LRP1B: variants seen among roughly 807,000 people sequenced by gnomAD.
LRP1B encodes the protein LDL receptor related protein 1B.
In LRP1B, 217 loss-of-function variants were observed where a neutral mutation model predicts 556.6. The observed-to-expected ratio is 0.39, with a 90% CI of 0.35 to 0.44. The LOEUF (loss-of-function observed/expected upper bound fraction) is 0.44, where lower values mean the gene tolerates loss of function less well. Ranked by LOEUF, LRP1B falls within the 20% of genes least tolerant of loss-of-function variation. The probability of loss-of-function intolerance (pLI) is 1.00; values close to 1 mark genes in which losing one functional copy is unlikely to be tolerated. For missense variants in LRP1B, 5,053 were observed against 5,620.8 expected (o/e 0.90, Z 3.23); for synonymous variants, 2,047 against 1,865.8 (o/e 1.10, Z -2.50).
chr2:142,013,801 G>C (rs1384865945), intron 1 of LRP1B, among the ~76,000 whole-genome samples: 5 of 152,062 alleles, frequency 3.3e-5, no homozygotes, highest in Non-Finnish European at 5.9e-5. Flanking sequence ...TAAAACCAAA[G>C]TAACTCCATC....
chr2:141,326,121 TACACAGAGAG>T, intron 3 of LRP1B, among the ~76,000 whole-genome samples: 2 of 152,182 alleles, frequency 1.3e-5, no homozygotes, highest in African/African-American at 4.8e-5. Context: ...AATATTCATT[TACACAGAGAG>T]ACATCTACTG....
intron 1 of LRP1B, among the ~76,000 whole-genome samples, chr2:141,850,986 T>C (rs2105774652): frequency 6.6e-6 from 1 of 151,780 alleles, no homozygotes; most frequent in South Asian, 2.1e-4. Flanking sequence ...AGCCTTCCCA[T>C]AAAATATTAA....
intron 43 of LRP1B, among the ~76,000 whole-genome samples, chr2:140,596,283 C>T (rs1238090927): frequency 2.6e-5 from 4 of 152,062 alleles, no homozygotes; most frequent in African/African-American, 4.8e-5. Flanking sequence ...GACATAATGG[C>T]GAAAACTATG....
At chr2:140,822,683 A>G (rs554941646) in intron 31 of LRP1B, among the ~76,000 whole-genome samples, 1 of 152,334 alleles carries the variant, frequency 6.6e-6, no homozygotes, top group East Asian at 1.9e-4. Context: ...CTTAGGAGTA[A>G]GCCAGTTCTG....
chr2:140,542,459 A>T (rs1033158291), intron 43 of LRP1B, among the ~76,000 whole-genome samples: 2 of 152,132 alleles, frequency 1.3e-5, no homozygotes, highest in Non-Finnish European at 2.9e-5. Context: ...TGAGAATAAA[A>T]GTTTAGAAGT....
rs1463159789 is a variant in LRP1B, at chr2:140,295,418, TG to T, written c.12967+2389del. ...CTTGCTTCTGCAGAAGAAGTCCCTC[TG>T]TACCATCAGAGGCAAGATACTAAGT... On this transcript the variant is annotated intron_variant, in intron 84 of 90. Transcript: ENST00000389484. Among the ~76,000 whole-genome samples the T allele has an allele frequency of 6.6e-5, 10 of 152,332 alleles. No homozygotes were observed. The East Asian group carries it at 1.7e-3, about 26-fold the overall frequency.
chr2:140,950,236 T>G lies in LRP1B; in HGVS notation c.3135A>C (p.Glu1045Asp), dbSNP rs1559212751. Residue 1045 changes from glutamate to aspartate, a missense_variant and splice_region_variant, in exon 20 of 91, where the codon GAA (glutamate) becomes GAC (aspartate). Glu to Asp is a conservative substitution (Grantham distance 45). Around this residue, in one of 5 missense-constraint regions of LRP1B, gnomAD observed 3,619 missense variants for 3,931.9 expected, o/e 0.92. Transcript: ENST00000389484. ...SDEAQINCTK[E>D]EIHSPAGCNG... is the part of the protein sequence containing the mutation. ...TCATTAATTTATAAAATTACTAACCTTCTTTAGTACAATTGATCTGGGCTT... is the reference window on the plus strand; with the variant it reads ...TCATTAATTTATAAAATTACTAACCGTCTTTAGTACAATTGATCTGGGCTT... 1 of 1,565,550 alleles carries G rather than the reference T, an allele frequency of 6.4e-7. No individual in the cohort carries two copies.
At chr2:140,969,537 T>A (rs12622921) in intron 18 of LRP1B, among the ~76,000 whole-genome samples, 16,908 of 152,174 alleles carry the variant, frequency 0.11, 1,019 homozygotes, top group East Asian at 0.19. Flanking sequence ...AAGGTTAATA[T>A]TGTTATGTGT....
At chr2:141,725,706 T>C (rs1409822526) in intron 2 of LRP1B, among the ~76,000 whole-genome samples, 1 of 151,842 alleles carries the variant, frequency 6.6e-6, no homozygotes, top group Admixed American at 6.6e-5. Context: ...GATTTTCTCT[T>C]TGAAATCGTT....
intron 3 of LRP1B, among the ~76,000 whole-genome samples, chr2:141,316,693 G>A (rs921795629): frequency 6.6e-6 from 1 of 152,146 alleles, no homozygotes; most frequent in African/African-American, 2.4e-5. Context: ...TGAGCAAATG[G>A]GAAAAGATAA....
intron 11 of LRP1B, among the ~76,000 whole-genome samples, chr2:141,032,867 C>T (rs993859442): frequency 3.1e-4 from 33 of 106,018 alleles, no homozygotes; most frequent in Non-Finnish European, 5.2e-4. Flanking sequence ...GTGTGTTTTG[C>T]GTTGCATTGC....
chr2:141,587,275 A>C (rs1687175480), intron 2 of LRP1B, among the ~76,000 whole-genome samples: 1 of 152,220 alleles, frequency 6.6e-6, no homozygotes, highest in Admixed American at 6.5e-5. Flanking sequence ...GTGCTAATAA[A>C]TAGTCAACCA....
At chr2:140,879,249 C>T (rs924062599) in intron 25 of LRP1B, among the ~76,000 whole-genome samples, 24 of 152,118 alleles carry the variant, frequency 1.6e-4, no homozygotes, top group African/African-American at 5.8e-4. Context: ...GTCCAACTAT[C>T]CATCAGTGAC....
intron 2 of LRP1B, among the ~76,000 whole-genome samples, chr2:141,621,928 G>T (rs1473559206): frequency 6.6e-6 from 1 of 152,078 alleles, no homozygotes; most frequent in Non-Finnish European, 1.5e-5. Flanking sequence ...CTTTGATCTT[G>T]TTGCCCAGGC....
In LRP1B at chr2:141,283,954, T is replaced by A. The variant is rs79943514; in HGVS notation, c.344-29313A>T. 9.3e-3 allele frequency among the ~76,000 whole-genome samples: 1,410 copies of A among 152,300 alleles called. 15 individuals carry two copies. The highest frequency in any genetic ancestry group is 0.039 in the East Asian group (200 of 5,180). On this transcript the variant is annotated intron_variant, in intron 3 of 90. Coordinates refer to ENST00000389484, the MANE Select transcript of LRP1B (RefSeq NM_018557.3). ...TGAGCTTTTGCTGTTTGCTTATACT[T>A]TTTCTTGGAAGAGTAGATGAGGTCA...
At chr2:141,840,257 CTTTTTTTT>C (rs565362139) in intron 1 of LRP1B, among the ~76,000 whole-genome samples, 11 of 84,240 alleles carry the variant, frequency 1.3e-4, no homozygotes, top group African/African-American at 3.8e-4. Flanking sequence ...AACAAATTTC[CTTTTTTTT>C]TTTTTTTTTT....
At chr2:141,822,120 C>CAGAGAGAGAGAG (rs1452163408) in intron 1 of LRP1B, among the ~76,000 whole-genome samples, 3 of 103,344 alleles carry the variant, frequency 2.9e-5, no homozygotes, top group Admixed American at 1.1e-4. Context: ...CACACACACA[C>CAGAGAGAGAGAG]ACACACACAC....
At chr2:140,921,922 T>G (rs188440754) in intron 21 of LRP1B, among the ~76,000 whole-genome samples, 2 of 152,194 alleles carry the variant, frequency 1.3e-5, no homozygotes, top group African/African-American at 4.8e-5. Flanking sequence ...TTACAACTTC[T>G]TATTTGTACT....
chr2:141,441,433 C>T (rs537404765), intron 3 of LRP1B, among the ~76,000 whole-genome samples: 1 of 152,102 alleles, frequency 6.6e-6, no homozygotes, highest in African/African-American at 2.4e-5. Flanking sequence ...TCCACTGATC[C>T]CTAAGGAATC....
Sources: allele counts gnomAD v4.1 joint callset (sites outside exome capture counted in the v4.1 genomes callset), GRCh38; gene constraint gnomAD v4.1.1; regional missense constraint gnomAD v4.1.1; transcripts MANE v1.5; gene names NCBI Gene and HGNC (gene_info 2026-07-23, HGNC 2026-07-21).